Variants in COL8A1 observed in about 807,000 individuals in gnomAD.
The protein encoded by COL8A1 is collagen alpha-1(VIII) chain.
Under a neutral mutation model 42.7 loss-of-function variants are expected in COL8A1, and 21 were observed. The observed-to-expected ratio is 0.49, with a 90% CI of 0.35 to 0.71. COL8A1 has a LOEUF of 0.71. Among genes scored for constraint, COL8A1 ranks in the 30% least tolerant of loss-of-function variants. The pLI, the probability that COL8A1 is intolerant of heterozygous loss-of-function variation, is 0.01. For missense variants in COL8A1, 788 were observed against 962.4 expected, an observed-to-expected ratio of 0.82 and a Z score of 2.40; for synonymous variants, 367 against 369.1, an observed-to-expected ratio of 0.99 and a Z score of 0.06.
intron 2 of COL8A1, among the ~76,000 whole-genome samples, chr3:99,764,407 C>A (rs1025712728): frequency 1.3e-5 from 2 of 152,198 alleles, no homozygotes; most frequent in Non-Finnish European, 2.9e-5. Context: ...TTATGAGTTA[C>A]ATGAATATGA....
At chr3:99,700,342 G>A (rs912237645) in intron 1 of COL8A1, among the ~76,000 whole-genome samples, 7 of 151,720 alleles carry the variant, frequency 4.6e-5, no homozygotes, top group Non-Finnish European at 1.5e-5. Context: ...GTGTGCTCCG[G>A]GTTTCACAGC....
intron 1 of COL8A1, among the ~76,000 whole-genome samples, chr3:99,672,581 C>T (rs12330659): frequency 0.035 from 5,209 of 150,954 alleles, 145 homozygotes; most frequent in East Asian, 0.063. Context: ...TTTTAGTGTG[C>T]CCTTGTTTTC....
intron 1 of COL8A1, among the ~76,000 whole-genome samples, chr3:99,642,603 T>C (rs1266779793): frequency 6.6e-6 from 1 of 152,232 alleles, no homozygotes; most frequent in Non-Finnish European, 1.5e-5. Context: ...TCGTCCCTCC[T>C]GGACAACAAA....
intron 1 of COL8A1, among the ~76,000 whole-genome samples, chr3:99,653,413 T>G (rs1347741330): frequency 1.3e-5 from 2 of 152,068 alleles, no homozygotes; most frequent in Non-Finnish European, 2.9e-5. Flanking sequence ...GGGGGTTGTG[T>G]TTTGTTTAAT....
intron 1 of COL8A1, among the ~76,000 whole-genome samples, chr3:99,733,616 T>C (rs1221131091): frequency 1.6e-3 from 244 of 151,728 alleles, no homozygotes; most frequent in African/African-American, 5.5e-3. Flanking sequence ...CATACGTGTG[T>C]ATGTGTCTTT....
rs763277630 is a variant in COL8A1 at position 99,795,574 on chromosome 3, T to C, written c.1673T>C (p.Leu558Pro). 3.7e-6 allele frequency: 6 copies of C among 1,610,032 alleles called. No individual in the cohort carries two copies. In the South Asian group the frequency reaches 6.6e-5, roughly 18 times the overall value. The part of the protein sequence containing the change: ...GALGPQGQPG[L>P]PGPPGPPGPP... ...CTTGGTCCTCAAGGCCAGCCTGGCC[T>C]TCCAGGACCCCCAGGCCCTCCAGGA... The change falls in exon 4 of 4, where the codon CTT (leucine) becomes CCT (proline). Residue 558 changes from leucine (L) to proline (P), a missense_variant. Transcript: ENST00000652472.
At chr3:99,664,281 C>A (rs942600550) in intron 1 of COL8A1, among the ~76,000 whole-genome samples, 24 of 152,130 alleles carry the variant, frequency 1.6e-4, no homozygotes, top group Admixed American at 9.2e-4. Flanking sequence ...CAACTTAGGG[C>A]CTCAACTACT....
intron 1 of COL8A1, among the ~76,000 whole-genome samples, chr3:99,702,652 T>C (rs1461843167): frequency 6.6e-6 from 1 of 152,214 alleles, no homozygotes. Context: ...TATTCATTCA[T>C]TTATCAATTC....
intron 1 of COL8A1, among the ~76,000 whole-genome samples, chr3:99,733,789 T>C (rs980129376): frequency 2.4e-4 from 37 of 151,714 alleles, no homozygotes; most frequent in African/African-American, 8.7e-4. Flanking sequence ...TTCCTATTTC[T>C]CCACATCCTC....
At chr3:99,787,849 A>T (rs1941924434) in intron 2 of COL8A1, among the ~76,000 whole-genome samples, 1 of 119,480 alleles carries the variant, frequency 8.4e-6, no homozygotes, top group Non-Finnish European at 1.7e-5. Context: ...TATGTTCAAG[A>T]ACACAAATAC....
chr3:99,776,530 C>G (rs1941695788), intron 2 of COL8A1, among the ~76,000 whole-genome samples: 2 of 151,968 alleles, frequency 1.3e-5, no homozygotes, highest in Non-Finnish European at 2.9e-5. Flanking sequence ...ACTGAATGTC[C>G]CCTGGTTAGT....
intron 1 of COL8A1, among the ~76,000 whole-genome samples, chr3:99,708,680 GC>G (rs1246745086): frequency 2.0e-5 from 3 of 151,988 alleles, no homozygotes; most frequent in African/African-American, 7.2e-5. Flanking sequence ...GCTGGATAGG[GC>G]CCCACAAGGA....
intron 1 of COL8A1, among the ~76,000 whole-genome samples, chr3:99,668,759 A>G (rs1174556493): frequency 6.6e-6 from 1 of 152,090 alleles, no homozygotes; most frequent in African/African-American, 2.4e-5. Flanking sequence ...AAAATTTAAT[A>G]AGTAGCTGTA....
intron 2 of COL8A1, among the ~76,000 whole-genome samples, chr3:99,762,377 A>T (rs1445832019): frequency 6.6e-6 from 1 of 152,232 alleles, no homozygotes; most frequent in Non-Finnish European, 1.5e-5. Flanking sequence ...CTTAAAAGTT[A>T]TCAGTTGAGT....
rs981389888 is a variant in COL8A1 at position 99,754,436 on chromosome 3, T to C, written c.-4+9415T>C. On this transcript the variant is annotated intron_variant, in intron 2 of 3. Coordinates refer to ENST00000652472, the MANE Select transcript of COL8A1 (RefSeq NM_020351.4). ...ATCATGGATAATAACTATACTGTTT[T>C]TTTTTTTCAAATTGTCTCTCATGTG... 2.6e-5 allele frequency among the ~76,000 whole-genome samples: 4 copies of C among 152,232 alleles called. No individual in the cohort carries two copies. In the East Asian group the frequency reaches 7.7e-4, roughly 29 times the overall value.
rs186169579 is a variant in COL8A1 at position 99,730,783 on chromosome 3, G to A, written c.-128-14114G>A. ...TTTAAAATACTGATTTGACAAAAGA[G>A]CTCTCAGCGAACTCATGAAATAATT... On this transcript the variant is annotated intron_variant, in intron 1 of 3. Coordinates refer to ENST00000652472, the MANE Select transcript of COL8A1 (RefSeq NM_020351.4). 5.6e-3 allele frequency among the ~76,000 whole-genome samples: 853 copies of A among 152,206 alleles called. 4 individuals carry two copies. The highest frequency in any genetic ancestry group is 9.1e-3 in the Admixed American group (139 of 15,264).
At chr3:99,735,100 G>C (rs1169023430) in intron 1 of COL8A1, among the ~76,000 whole-genome samples, 1 of 148,166 alleles carries the variant, frequency 6.7e-6, no homozygotes, top group Non-Finnish European at 1.5e-5. Flanking sequence ...CTGCAAACAG[G>C]GACAATTTGA....
Position 99,727,759 on chromosome 3 carries a change from C to T in COL8A1, c.-128-17138C>T, listed in dbSNP as rs192382849. 7.0e-3 allele frequency among the ~76,000 whole-genome samples: 1,067 copies of T among 151,896 alleles called. 8 individuals are homozygous for T. Among genetic ancestry groups the T allele is most frequent in the Non-Finnish European group, 0.011 (744 of 67,928 alleles). On this transcript the variant is annotated intron_variant, in intron 1 of 3. Coordinates refer to ENST00000652472, the MANE Select transcript of COL8A1 (RefSeq NM_020351.4). ...AATCCTCAATAAAATACTGGCAAAC[C>T]GAATCCAGCAGCACATCCAAAAGCT...
rs149160611 is a variant in COL8A1 at position 99,757,102 on chromosome 3, C to A, written c.-4+12081C>A. Among the ~76,000 whole-genome samples, 3 of 152,146 alleles carry A rather than the reference C, an allele frequency of 2.0e-5. No individual in the cohort carries two copies. The East Asian group carries it at 5.8e-4, about 29-fold the overall frequency. ...TGTATCCCCAGCAATTAGAACTGCA[C>A]CTGGCAAATAGTTGGCATTCAGCAA... On this transcript the variant is annotated intron_variant, in intron 2 of 3. Transcript: ENST00000652472.
Sources: allele counts gnomAD v4.1 joint callset (sites outside exome capture counted in the v4.1 genomes callset), GRCh38; gene constraint gnomAD v4.1.1; transcripts MANE v1.5; gene names NCBI Gene and HGNC (gene_info 2026-07-23, HGNC 2026-07-21).